Variants in PTPRK observed in about 807,000 individuals in gnomAD.
The protein encoded by PTPRK is receptor-type tyrosine-protein phosphatase kappa.
A neutral mutation model predicts 178.0 loss-of-function variants in PTPRK; 75 were observed. The ratio of observed to expected loss-of-function variants is 0.42; its 90% CI spans 0.35 to 0.51. The LOEUF is 0.51. Ranked by LOEUF, PTPRK falls within the 20% of genes least tolerant of loss-of-function variation. The probability of loss-of-function intolerance (pLI) is 0.02; values close to 1 mark genes in which losing one functional copy is unlikely to be tolerated. For missense variants in PTPRK, 1,441 were observed against 1,797.8 expected (o/e 0.80, Z 3.59); for synonymous variants, 637 against 620.6 (o/e 1.03, Z -0.39).
intron 6 of PTPRK, among the ~76,000 whole-genome samples, chr6:128,197,945 AGG>A (rs554967360): frequency 1.9e-4 from 29 of 152,288 alleles, no homozygotes; most frequent in African/African-American, 6.5e-4. Flanking sequence ...CACTTGTTCT[AGG>A]TGCCACCATT....
chr6:128,206,613 C>G (rs777539923), intron 6 of PTPRK, among the ~76,000 whole-genome samples: 19 of 152,180 alleles, frequency 1.2e-4, no homozygotes, highest in Non-Finnish European at 2.6e-4. Flanking sequence ...TTAGAGATTA[C>G]TCTTTAAAAA....
intron 1 of PTPRK, among the ~76,000 whole-genome samples, chr6:128,400,334 G>A (rs769985229): frequency 6.6e-6 from 1 of 152,030 alleles, no homozygotes; most frequent in Non-Finnish European, 1.5e-5. Flanking sequence ...GGAAAAGCAA[G>A]ATCAAAGGCA....
chr6:128,218,550 C>G (rs568228771), intron 6 of PTPRK, among the ~76,000 whole-genome samples: 1 of 152,322 alleles, frequency 6.6e-6, no homozygotes, highest in East Asian at 1.9e-4. Flanking sequence ...ACCTTGACTT[C>G]ATTGCCACAA....
At chr6:128,118,453 A>T (rs116154265) in intron 7 of PTPRK, among the ~76,000 whole-genome samples, 181 of 152,318 alleles carry the variant, frequency 1.2e-3, no homozygotes, top group African/African-American at 4.2e-3. Context: ...TTTTTACATT[A>T]ACAATAAAAC....
chr6:127,995,323 T>C (rs1431426556), intron 18 of PTPRK, 139 bp downstream of exon 18: 6 of 1,585,496 alleles, frequency 3.8e-6, no homozygotes, highest in Non-Finnish European at 5.2e-6. Flanking sequence ...CAGTAAGTAC[T>C]AGGACGCAGA....
intron 29 of PTPRK, among the ~76,000 whole-genome samples, chr6:127,970,938 T>C (rs1211426642): frequency 6.6e-6 from 1 of 151,958 alleles, no homozygotes; most frequent in Non-Finnish European, 1.5e-5. Context: ...TTTTTCTCCA[T>C]ATATTTCAGA....
At chr6:128,098,303 C>A (rs1472871450) in intron 7 of PTPRK, among the ~76,000 whole-genome samples, 1 of 152,112 alleles carries the variant, frequency 6.6e-6, no homozygotes, top group Non-Finnish European at 1.5e-5. Context: ...CAAATGGGGT[C>A]TGCTTCCCCA....
chr6:128,501,038 C>T (rs1399273534), intron 1 of PTPRK: 1 of 152,160 alleles, frequency 6.6e-6, no homozygotes, highest in African/African-American at 2.4e-5. Context: ...CAACCACACC[C>T]AGCTAATTTT....
At chr6:128,100,464 T>C (rs1347432108) in intron 7 of PTPRK, among the ~76,000 whole-genome samples, 1 of 151,988 alleles carries the variant, frequency 6.6e-6, no homozygotes, top group Non-Finnish European at 1.5e-5. Context: ...ATATTTTATG[T>C]CCAGTAATTT....
chr6:128,421,901 T>C (rs1177735827), intron 1 of PTPRK, among the ~76,000 whole-genome samples: 1 of 152,250 alleles, frequency 6.6e-6, no homozygotes, highest in East Asian at 1.9e-4. Flanking sequence ...CTTACTCTTA[T>C]GAACTAACAA....
At chr6:128,439,971 G>A (rs1329846678) in intron 1 of PTPRK, among the ~76,000 whole-genome samples, 2 of 152,120 alleles carry the variant, frequency 1.3e-5, no homozygotes, top group Non-Finnish European at 2.9e-5. Flanking sequence ...AAGTACCACT[G>A]AGCCTTGAAC....
At chr6:128,087,499 G>C (rs994129254) in intron 8 of PTPRK, among the ~76,000 whole-genome samples, 1 of 152,200 alleles carries the variant, frequency 6.6e-6, no homozygotes, top group East Asian at 1.9e-4. Context: ...TTTATTATGT[G>C]CCTATGAAAC....
chr6:128,133,787 A>C (rs1393741770), intron 7 of PTPRK, among the ~76,000 whole-genome samples: 1 of 151,668 alleles, frequency 6.6e-6, no homozygotes, highest in African/African-American at 2.4e-5. Context: ...TCTTGGGCTC[A>C]AGTGATCTTC....
chr6:128,334,923 A>C (rs978009400), intron 2 of PTPRK, among the ~76,000 whole-genome samples: 2 of 152,100 alleles, frequency 1.3e-5, no homozygotes, highest in Non-Finnish European at 2.9e-5. Flanking sequence ...CCCTGTCTCT[A>C]CTAAAAATAC....
intron 1 of PTPRK, among the ~76,000 whole-genome samples, chr6:128,494,201 T>TAAAAAAAA (rs11301155): frequency 8.9e-6 from 1 of 112,944 alleles, no homozygotes. Context: ...CCCTGTATCT[T>TAAAAAAAA]AAAAAAAAAA....
chr6:128,054,128 G>T (rs751596567), intron 13 of PTPRK, among the ~76,000 whole-genome samples: 1 of 152,054 alleles, frequency 6.6e-6, no homozygotes, highest in Non-Finnish European at 1.5e-5. Context: ...AAACTTTCCA[G>T]CTTTTATTTC....
Position 128,288,217 on chromosome 6 carries a change from G to T in PTPRK, c.495+33822C>A, listed in dbSNP as rs142280825. On this transcript the variant is annotated intron_variant, in intron 3 of 29. Coordinates refer to ENST00000368226, the MANE Select transcript of PTPRK (RefSeq NM_002844.4). ...GCTGTTCTCATTTTGGGGGTTCTTT[G>T]TATTTCTTTCATAAATATGGATGCT... Among the ~76,000 whole-genome samples the T allele has an allele frequency of 5.9e-3, 899 of 152,162 alleles. 11 individuals carry two copies. Among genetic ancestry groups the T allele is most frequent in the African/African-American group, 0.021 (859 of 41,526 alleles).
chr6:128,441,669 AAC>A (rs1846301940), intron 1 of PTPRK, among the ~76,000 whole-genome samples: 1 of 152,184 alleles, frequency 6.6e-6, no homozygotes, highest in Non-Finnish European at 1.5e-5. Context: ...ACAAAAGTAT[AAC>A]ACAGTCCGCA....
chr6:128,488,505 T>C (rs1277201389), intron 1 of PTPRK, among the ~76,000 whole-genome samples: 1 of 152,176 alleles, frequency 6.6e-6, no homozygotes, highest in East Asian at 1.9e-4. Flanking sequence ...GGAGAATAGA[T>C]ACTGGGCATC....
Sources: gnomAD v4.1 joint callset for allele counts (sites outside exome capture counted in the v4.1 genomes callset) on GRCh38, gnomAD v4.1.1 for gene constraint, MANE v1.5 for transcripts, NCBI Gene and HGNC (gene_info 2026-07-23, HGNC 2026-07-21) for gene names.